The following EYA1 variants were observed in gnomAD, a reference collection of about 807,000 sequenced individuals.
The protein encoded by EYA1 is EYA transcriptional coactivator and phosphatase 1.
In EYA1, 16 loss-of-function variants were observed where a neutral mutation model predicts 82.0. That is an observed-to-expected ratio of 0.20 (90% CI 0.13 to 0.30). EYA1 has a LOEUF of 0.30. Among genes scored for constraint, EYA1 ranks in the 10% least tolerant of loss-of-function variants. The pLI is 1.00. For synonymous variants in EYA1, 261 were observed against 264.4 expected (o/e 0.99, Z 0.12); for missense variants, 633 against 730.7 (o/e 0.87, Z 1.54).
intron 2 of EYA1, among the ~76,000 whole-genome samples, chr8:71,450,877 T>C (rs1270317573): frequency 6.6e-6 from 1 of 152,226 alleles, no homozygotes; most frequent in Non-Finnish European, 1.5e-5. Context: ...TGGAATTACA[T>C]TTCTATAATG....
At chr8:71,424,337 A>C (rs1287061619) in intron 2 of EYA1, among the ~76,000 whole-genome samples, 1 of 152,262 alleles carries the variant, frequency 6.6e-6, no homozygotes, top group Non-Finnish European at 1.5e-5. Flanking sequence ...TCAAATGGTA[A>C]TGAGAGTGTA....
chr8:71,330,860 T>TGA (rs538091738), intron 4 of EYA1, among the ~76,000 whole-genome samples: 3 of 151,924 alleles, frequency 2.0e-5, no homozygotes, highest in Non-Finnish European at 2.9e-5. Context: ...CTTGTGTGTG[T>TGA]GTGTGTGTGT....
intron 6 of EYA1, among the ~76,000 whole-genome samples, chr8:71,320,226 GGGA>G (rs1376004134): frequency 6.6e-6 from 1 of 152,118 alleles, no homozygotes; most frequent in African/African-American, 2.4e-5. Flanking sequence ...AGACTGAATG[GGGA>G]GGAGAAGGAA....
At chr8:71,513,491 T>C (rs1363558966) in intron 2 of EYA1, among the ~76,000 whole-genome samples, 1 of 152,122 alleles carries the variant, frequency 6.6e-6, no homozygotes, top group East Asian at 1.9e-4. Context: ...ATAGTAGATG[T>C]AAATATTTAT....
chr8:71,228,826 G>A (rs1810861913), intron 12 of EYA1, among the ~76,000 whole-genome samples: 1 of 152,134 alleles, frequency 6.6e-6, no homozygotes, highest in South Asian at 2.1e-4. Context: ...TACAGTGACT[G>A]TCACTATGAT....
chr8:71,286,527 G>C lies in EYA1; in HGVS notation c.826+12520C>G, dbSNP rs559223461. ...AGTTTTAAGTGGCAGTGAGGTAAGA[G>C]GGTATGCGAAGGTGTTATTGCTTGG... On this transcript the variant is annotated intron_variant, in intron 9 of 17. Transcript: ENST00000340726. Among the ~76,000 whole-genome samples the C allele has an allele frequency of 7.0e-4, 107 of 152,314 alleles. 1 individual carries two copies. Among genetic ancestry groups the C allele is most frequent in the African/African-American group, 2.5e-3 (102 of 41,548 alleles).
At chr8:71,435,059 T>C (rs1030685841) in intron 2 of EYA1, among the ~76,000 whole-genome samples, 7 of 152,128 alleles carry the variant, frequency 4.6e-5, no homozygotes, top group African/African-American at 1.7e-4. Context: ...AATGCATCTT[T>C]TAAGTAAGTA....
chr8:71,253,009 G>A (rs1229269008), intron 11 of EYA1, among the ~76,000 whole-genome samples: 2 of 152,100 alleles, frequency 1.3e-5, no homozygotes, highest in South Asian at 2.1e-4. Flanking sequence ...TTATAAACAG[G>A]AATTATTGAC....
chr8:71,308,190 T>C (rs1820934687), intron 7 of EYA1, among the ~76,000 whole-genome samples: 1 of 151,946 alleles, frequency 6.6e-6, no homozygotes, highest in African/African-American at 2.4e-5. Flanking sequence ...TGAAAGCAAA[T>C]TGGTATTAAG....
intron 7 of EYA1, among the ~76,000 whole-genome samples, chr8:71,307,000 A>G (rs1467622582): frequency 6.6e-6 from 1 of 152,192 alleles, no homozygotes; most frequent in Non-Finnish European, 1.5e-5. Context: ...CTGTTGCTTG[A>G]TAATTTCAAT....
intron 2 of EYA1, among the ~76,000 whole-genome samples, chr8:71,499,077 G>A (rs1257033926): frequency 6.6e-6 from 1 of 152,142 alleles, no homozygotes; most frequent in African/African-American, 2.4e-5. Flanking sequence ...CAATCAACGA[G>A]GGTGTGTCTG....
chr8:71,398,476 G>A (rs890273779), intron 2 of EYA1, among the ~76,000 whole-genome samples: 1 of 152,164 alleles, frequency 6.6e-6, no homozygotes, highest in Non-Finnish European at 1.5e-5. Flanking sequence ...ATGGGGTTTT[G>A]GTGTGGATGT....
At chr8:71,234,253 T>A (rs1178178680) in intron 12 of EYA1, among the ~76,000 whole-genome samples, 1 of 152,192 alleles carries the variant, frequency 6.6e-6, no homozygotes, top group Non-Finnish European at 1.5e-5. Flanking sequence ...CAGACATGCC[T>A]AAATATCTTT....
At chr8:71,336,734 T>C (rs1824531554) in intron 3 of EYA1, among the ~76,000 whole-genome samples, 1 of 152,182 alleles carries the variant, frequency 6.6e-6, no homozygotes, top group Admixed American at 6.5e-5. Context: ...TACCCATCTA[T>C]ACACTAAGGA....
chr8:71,432,502 A>G (rs1321266107), intron 2 of EYA1, among the ~76,000 whole-genome samples: 1 of 152,172 alleles, frequency 6.6e-6, no homozygotes, highest in African/African-American at 2.4e-5. Context: ...GTCCAAGATC[A>G]AGGCATCTTT....
Position 71,317,554 on chromosome 8 carries a change from T to C in EYA1, c.554A>G (p.Gln185Arg), listed in dbSNP as rs1767842845. ...PGQAPYSYQM[Q>R]GSSFTTSSGI... ...AATAGCAATGTGTATATACAGACCT[T>C]GCATCTGGTAGCTGTATGGTGCCTG... The change falls in exon 7 of 18, where the codon CAA becomes CGA. Residue 185 changes from glutamine (Q) to arginine (R), a missense_variant and splice_region_variant. Gln to Arg is a conservative substitution (Grantham distance 43). Transcript: ENST00000340726. 6.2e-7 allele frequency: 1 copy of C among 1,614,076 alleles called. No homozygotes were observed. Among genetic ancestry groups the C allele is most frequent in the Non-Finnish European group, 8.5e-7 (1 of 1,179,968 alleles).
intron 2 of EYA1, among the ~76,000 whole-genome samples, chr8:71,508,537 T>C (rs1812366136): frequency 6.6e-6 from 1 of 152,074 alleles, no homozygotes; most frequent in East Asian, 1.9e-4. Flanking sequence ...CCAATATGAG[T>C]ATTAGGTGTT....
intron 2 of EYA1, among the ~76,000 whole-genome samples, chr8:71,458,693 A>G (rs1416924835): frequency 1.3e-5 from 2 of 152,184 alleles, no homozygotes; most frequent in Non-Finnish European, 2.9e-5. Flanking sequence ...TTAAGCAACT[A>G]TATTGAAAGT....
intron 3 of EYA1, among the ~76,000 whole-genome samples, chr8:71,344,025 C>A (rs1825439543): frequency 6.6e-6 from 1 of 152,136 alleles, no homozygotes; most frequent in Non-Finnish European, 1.5e-5. Context: ...CTTCAAAAAA[C>A]CATCTTATTT....
Sources: allele counts gnomAD v4.1 joint callset (sites outside exome capture counted in the v4.1 genomes callset), GRCh38; gene constraint gnomAD v4.1.1; transcripts MANE v1.5; gene names NCBI Gene and HGNC (gene_info 2026-07-23, HGNC 2026-07-21).